The following GJC1 variants were observed in gnomAD, a reference collection of about 807,000 sequenced individuals.
The protein encoded by GJC1 is gap junction gamma-1 protein.
GJC1 carries 5 observed loss-of-function variants against 29.3 expected under a neutral mutation model. That is an observed-to-expected ratio of 0.17 (90% confidence interval 0.09 to 0.36). The LOEUF (loss-of-function observed/expected upper bound fraction) is 0.36. Ranked by LOEUF, GJC1 falls within the 10% of genes least tolerant of loss-of-function variation. GJC1 has a pLI of 1.00. For missense variants in GJC1, 310 were observed against 496.2 expected, an observed-to-expected ratio of 0.62 and a Z score of 3.56; for synonymous variants, 177 against 183.3, an observed-to-expected ratio of 0.97 and a Z score of 0.28.
intron 2 of GJC1, among the ~76,000 whole-genome samples, chr17:44,806,879 CAA>C (rs2049919292): frequency 6.6e-6 from 1 of 151,920 alleles, no homozygotes; most frequent in South Asian, 2.1e-4. Flanking sequence ...AAATTTTAGA[CAA>C]GTGCTAAAAG....
rs1033382804 is a variant in GJC1 at position 44,825,072 on chromosome 17, C to T, written c.-97+4990G>A. On this transcript the variant is annotated intron_variant, in intron 1 of 2. Transcript: ENST00000592524. ...AAAAAAAATTTTAAAATTAACTGGG[C>T]GTGGTGGCGGTGTGGGCCTGTGGTC... is the stretch of plus-strand genomic sequence containing the variant. 3.4e-5 allele frequency among the ~76,000 whole-genome samples: 5 copies of T among 148,184 alleles called. No individual in the cohort carries two copies. The East Asian group carries it at 6.1e-4, about 18-fold the overall frequency.
At position 44,805,644 on chromosome 17, in the gene GJC1, C is replaced by T. The variant is rs764585293; in HGVS notation, c.174G>A (p.Pro58=). The T allele has an allele frequency of 5.6e-6, 9 of 1,614,154 alleles. No homozygotes were observed. Among genetic ancestry groups the T allele is most frequent in the Non-Finnish European group, 7.6e-6 (9 of 1,180,010 alleles). The change falls in exon 3 of 3, where the codon CCG becomes CCA. Residue 58 remains proline, a synonymous_variant. Coordinates refer to ENST00000592524, the MANE Select transcript of GJC1 (RefSeq NM_005497.4). The surrounding 1 kb of genome is among the most constrained non-coding windows in gnomAD (Gnocchi z 5.1). ...CATCATAACAGACATTCTCACAGCC[C>T]GGCTGTTCTGTGTTGCACACAAATT... ...QSKFVCNTEQ[P]GCENVCYDAF...
At chr17:44,825,685 G>T (rs1252106438) in intron 1 of GJC1, among the ~76,000 whole-genome samples, 2 of 151,548 alleles carry the variant, frequency 1.3e-5, no homozygotes, top group African/African-American at 4.8e-5. Flanking sequence ...TGAGGCAAGA[G>T]AATTCCTTGA....
chr17:44,825,482 G>A lies in GJC1; in HGVS notation c.-97+4580C>T, dbSNP rs552550434. Reference sequence around the variant, plus strand: ...GCCTAGGCAACAAGAGCAAAACTCCGTCTCAAAAAAATAAAAAGGGCCAGA... The same window carrying A: ...GCCTAGGCAACAAGAGCAAAACTCCATCTCAAAAAAATAAAAAGGGCCAGA... On this transcript the variant is annotated intron_variant, in intron 1 of 2. Transcript: ENST00000592524. 2.7e-3 allele frequency among the ~76,000 whole-genome samples: 411 copies of A among 151,610 alleles called. 4 individuals carry two copies. The highest frequency in any genetic ancestry group is 6.8e-3 in the Middle Eastern group (2 of 292).
intron 1 of GJC1, among the ~76,000 whole-genome samples, chr17:44,820,204 C>T (rs967434953): frequency 1.3e-5 from 2 of 152,124 alleles, no homozygotes; most frequent in African/African-American, 4.8e-5. Flanking sequence ...TCAGGTTATC[C>T]GTCTGCCTCA....
chr17:44,817,586 T>C lies in GJC1; in HGVS notation c.-96-10117A>G, dbSNP rs372895576. Among the ~76,000 whole-genome samples the C allele has an allele frequency of 2.0e-5, 3 of 152,062 alleles. No individual in the cohort carries two copies. The East Asian group carries it at 5.8e-4, about 29-fold the overall frequency. ...TTAGCCAGGCGTGATGGTGCATGCC[T>C]GTAATCCTAGTTACTCAGGAGGCTG... is the stretch of plus-strand genomic sequence containing the variant. On this transcript the variant is annotated intron_variant, in intron 1 of 2. Transcript: ENST00000592524.
intron 1 of GJC1, among the ~76,000 whole-genome samples, chr17:44,827,560 G>A (rs1209083410): frequency 6.6e-6 from 1 of 152,122 alleles, no homozygotes; most frequent in African/African-American, 2.4e-5. Context: ...GGAGGCTGAG[G>A]CAGGAGGATG....
At chr17:44,829,528 G>A (rs1446412029) in intron 1 of GJC1, 2 of 152,190 alleles carry the variant, frequency 1.3e-5, no homozygotes, top group East Asian at 3.9e-4. Flanking sequence ...CTAACCCCCG[G>A]GAGGCAGGAG....
chr17:44,827,498 A>G (rs567104661), intron 1 of GJC1, among the ~76,000 whole-genome samples: 36 of 152,144 alleles, frequency 2.4e-4, no homozygotes, highest in Non-Finnish European at 5.3e-4. Flanking sequence ...GGAAGGAAGG[A>G]CAGGACAGGA....
intron 1 of GJC1, among the ~76,000 whole-genome samples, chr17:44,827,344 C>CA (rs1381617203): frequency 2.0e-5 from 3 of 148,582 alleles, no homozygotes; most frequent in African/African-American, 7.4e-5. Context: ...CAAAAACAAA[C>CA]AAACAAAAAA....
upstream of GJC1, chr17:44,830,588 G>A: frequency 2.5e-6 from 1 of 398,634 alleles, no homozygotes; most frequent in South Asian, 1.3e-4. This position sits in a 1 kb window ranked among gnomAD's most constrained non-coding sequence, Gnocchi z 4.3. Context: ...CCCGCCAGCC[G>A]CGCCTCAGTT....
intron 1 of GJC1, among the ~76,000 whole-genome samples, chr17:44,808,293 G>A (rs553998897): frequency 3.0e-4 from 45 of 151,942 alleles, no homozygotes; most frequent in African/African-American, 1.0e-3. Context: ...GCATGAAGCC[G>A]CATAAAGATT....
chr17:44,821,036 A>G (rs572000394), intron 1 of GJC1, among the ~76,000 whole-genome samples: 1 of 152,348 alleles, frequency 6.6e-6, no homozygotes, highest in South Asian at 2.1e-4. Context: ...ATGGAGAGTG[A>G]GTAGTTTGAG....
At chr17:44,823,716 CTTTT>C in intron 1 of GJC1, among the ~76,000 whole-genome samples, 1 of 143,252 alleles carries the variant, frequency 7.0e-6, no homozygotes, top group Admixed American at 7.0e-5. Context: ...CTTTCCTTTC[CTTTT>C]TTTTTTTTTG....
chr17:44,817,939 G>A (rs78020312), intron 1 of GJC1, among the ~76,000 whole-genome samples: 5,412 of 151,300 alleles, frequency 0.036, 325 homozygotes, highest in African/African-American at 0.13. Flanking sequence ...AAGGCCAGGC[G>A]CGGTGGCTCA....
intron 1 of GJC1, among the ~76,000 whole-genome samples, chr17:44,810,103 C>A (rs1597745989): frequency 1.3e-5 from 2 of 151,646 alleles, no homozygotes; most frequent in South Asian, 4.2e-4. Flanking sequence ...ACCTCGTGAT[C>A]CACCCGCCTC....
chr17:44,830,675 T>C, upstream of GJC1: 1 of 398,652 alleles, frequency 2.5e-6, no homozygotes, highest in Non-Finnish European at 4.4e-6. This position sits in a 1 kb window ranked among gnomAD's most constrained non-coding sequence, Gnocchi z 4.3. Context: ...CCCAGAGTTG[T>C]CTTCTGCGCG....
chr17:44,814,245 A>G (rs1255292928), intron 1 of GJC1, among the ~76,000 whole-genome samples: 2 of 151,742 alleles, frequency 1.3e-5, no homozygotes, highest in African/African-American at 4.8e-5. Flanking sequence ...GGTTCATGCC[A>G]TTCTCCCGCC....
intron 1 of GJC1, among the ~76,000 whole-genome samples, chr17:44,811,821 T>A (rs575518486): frequency 1.7e-3 from 264 of 151,746 alleles, no homozygotes; most frequent in African/African-American, 6.1e-3. Flanking sequence ...CTAGCTAACA[T>A]GGTGAAACCC....
Sources: gnomAD v4.1 joint callset for allele counts (sites outside exome capture counted in the v4.1 genomes callset) on GRCh38, gnomAD v4.1.1 for gene constraint, Gnocchi (gnomAD v3.1) non-coding constraint, MANE v1.5 for transcripts, NCBI Gene and HGNC (gene_info 2026-07-23, HGNC 2026-07-21) for gene names.